Variants in LRRC37A3 observed in about 807,000 individuals in gnomAD.
The protein encoded by LRRC37A3 is leucine-rich repeat-containing protein 37A3.
Under a neutral mutation model 106.2 loss-of-function variants are expected in LRRC37A3, and 25 were observed. The observed-to-expected ratio is 0.24, with a 90% CI of 0.17 to 0.33. The LOEUF (loss-of-function observed/expected upper bound fraction) is 0.33. LRRC37A3 is among the 10% of genes least tolerant of loss of function. The probability of loss-of-function intolerance (pLI) is 1.00; values close to 1 mark genes in which losing one functional copy is unlikely to be tolerated. For synonymous variants in LRRC37A3, 305 were observed against 635.8 expected, an observed-to-expected ratio of 0.48 and a Z score of 7.83; for missense variants, 712 against 1,644.9, an observed-to-expected ratio of 0.43 and a Z score of 9.81.
At chr17:64,912,913 CATG>C (rs1974621459) in intron 2 of LRRC37A3, among the ~76,000 whole-genome samples, 1 of 145,690 alleles carries the variant, frequency 6.9e-6, no homozygotes, top group Non-Finnish European at 1.5e-5. Context: ...AAATGAATAT[CATG>C]ATATCTAGAT....
Position 64,915,148 on chromosome 17 carries a change from AG to A in LRRC37A3, c.-496+3601del, listed in dbSNP as rs1269904496. Among the ~76,000 whole-genome samples the A allele has an allele frequency of 3.2e-4, 49 of 152,302 alleles. No individual in the cohort carries two copies. In the East Asian group the frequency reaches 4.0e-3, roughly 13 times the overall value. On this transcript the variant is annotated intron_variant, in intron 2 of 14. Coordinates refer to ENST00000584306, the MANE Select transcript of LRRC37A3 (RefSeq NM_199340.5). ...TTGTTATCTTCCCAATACAAAAAAA[AG>A]GATAAACATCTGAGATGATGGATAC...
intron 2 of LRRC37A3, among the ~76,000 whole-genome samples, chr17:64,911,189 T>C (rs1036939957): frequency 6.7e-6 from 1 of 149,992 alleles, no homozygotes; most frequent in East Asian, 2.0e-4. Context: ...ATTTTTAAAT[T>C]TTCCCAGATA....
chr17:64,870,240 G>A (rs565589148), intron 8 of LRRC37A3, among the ~76,000 whole-genome samples: 86 of 152,060 alleles, frequency 5.7e-4, no homozygotes, highest in Non-Finnish European at 9.3e-4. Context: ...ACAGGTGCCC[G>A]CCACCATGCC....
Position 64,860,687 on chromosome 17 carries a change from C to G in LRRC37A3, c.3459G>C (p.Lys1153Asn). The G allele has an allele frequency of 6.2e-7, 1 of 1,614,010 alleles. No homozygotes were observed. The highest frequency in any genetic ancestry group is 8.5e-7 in the Non-Finnish European group (1 of 1,179,880). ...GCCGGTTTTTGCCTACAGTTTGAAT[C>G]TTTGCCAGGCTGTTTCCTGTGGTTG... ...KLPTTGNSLA[K>N]IQTVGKNRQR... The change falls in exon 12 of 15, where the codon AAG becomes AAC. Residue 1153 changes from lysine (K) to asparagine (N), a missense_variant. Physicochemically the swap from Lys to Asn is moderately conservative, Grantham distance 94. Transcript: ENST00000584306.
chr17:64,873,981 C>T (rs1973411950), intron 8 of LRRC37A3, among the ~76,000 whole-genome samples: 1 of 152,144 alleles, frequency 6.6e-6, no homozygotes, highest in African/African-American at 2.4e-5. Context: ...GGATCCACAT[C>T]TAAACATACT....
chr17:64,859,891 A>C lies in LRRC37A3; in HGVS notation c.4255T>G (p.Tyr1419Asp). 6.2e-7 allele frequency: 1 copy of C among 1,613,448 alleles called. No individual in the cohort carries two copies. Among genetic ancestry groups the C allele is most frequent in the Non-Finnish European group, 8.5e-7 (1 of 1,179,848 alleles). ...PEGTISENTN[Y>D]NHPPEADSAG... ...GAATCTGCCTCAGGAGGATGATTGT[A>C]GTTTGTGTTTTCAGAGATGGTTCCT... Residue 1419 changes from tyrosine to aspartate, a missense_variant, in exon 12 of 15, where the codon TAC becomes GAC. By Grantham distance (160) the Tyr-to-Asp change is radical (BLOSUM62 -3). Transcript: ENST00000584306.
chr17:64,855,035 C>A (rs1216184538), intron 14 of LRRC37A3, among the ~76,000 whole-genome samples: 4 of 152,132 alleles, frequency 2.6e-5, no homozygotes, highest in Non-Finnish European at 5.9e-5. Flanking sequence ...TGGGCTTTCA[C>A]CATGTTGGTC....
chr17:64,907,529 GC>G lies in LRRC37A3; in HGVS notation c.-495-9071del, dbSNP rs1315097124. ...GTGGTGGTGGGTACCTATAATCCCA[GC>G]TACTTGGGAGGCTGAGACAGGAGAA... On this transcript the variant is annotated intron_variant, in intron 2 of 14. Coordinates refer to ENST00000584306, the MANE Select transcript of LRRC37A3 (RefSeq NM_199340.5). Among the ~76,000 whole-genome samples, 8 of 71,462 alleles carry G rather than the reference GC, an allele frequency of 1.1e-4. No homozygotes were observed. In the East Asian group the frequency reaches 3.3e-3, roughly 30 times the overall value. The allele number at this position is 71,462 out of a possible 152,430, so 46.9% of individuals were successfully genotyped here. A position where few individuals can be genotyped will look rare whatever the true frequency, so the allele number is the denominator to read the frequency against.
intron 8 of LRRC37A3, among the ~76,000 whole-genome samples, chr17:64,882,844 T>C (rs1416598314): frequency 1.3e-5 from 2 of 151,898 alleles, no homozygotes; most frequent in Non-Finnish European, 2.9e-5. Context: ...CAAGCCAATA[T>C]GTGAGTGTAC....
At chr17:64,899,740 T>TCTAACAAGGGA in intron 2 of LRRC37A3, 1 of 148,428 alleles carries the variant, frequency 6.7e-6, no homozygotes, top group South Asian at 2.1e-4. Flanking sequence ...TAACAAGGCC[T>TCTAACAAGGGA]GTGTTCGAGC....
Position 64,855,820 on chromosome 17 carries a change from A to G in LRRC37A3, c.4859+20T>C, listed in dbSNP as rs756951410. On this transcript the variant is annotated intron_variant, in intron 14 of 14. Coordinates refer to ENST00000584306, the MANE Select transcript of LRRC37A3 (RefSeq NM_199340.5). ...CCGTCTCAAAAGAAAAGAAAAAAAAATCACCAGACTAATATTTACCTTGAG... is the reference window on the plus strand; with the variant it reads ...CCGTCTCAAAAGAAAAGAAAAAAAAGTCACCAGACTAATATTTACCTTGAG... 1.4e-5 allele frequency: 23 copies of G among 1,611,474 alleles called. No homozygotes were observed. Among genetic ancestry groups the G allele is most frequent in the Non-Finnish European group, 1.9e-5 (22 of 1,179,596 alleles).
At chr17:64,856,381 TA>T (rs1304294924) in intron 13 of LRRC37A3, among the ~76,000 whole-genome samples, 1 of 148,926 alleles carries the variant, frequency 6.7e-6, no homozygotes, top group East Asian at 1.9e-4. Flanking sequence ...CACACCTGGC[TA>T]TTTTTTTTTT....
chr17:64,906,763 CCTCT>C (rs1476444898), intron 2 of LRRC37A3, among the ~76,000 whole-genome samples: 1 of 145,126 alleles, frequency 6.9e-6, no homozygotes, highest in Non-Finnish European at 1.5e-5. Context: ...ACGGAGTCTC[CCTCT>C]GTCGCCCAGG....
intron 8 of LRRC37A3, among the ~76,000 whole-genome samples, chr17:64,872,778 C>T (rs148948216): frequency 0.041 from 6,294 of 151,860 alleles, 462 homozygotes; most frequent in African/African-American, 0.15. Context: ...TGGAATCTCA[C>T]GCGCATGCAT....
intron 8 of LRRC37A3, among the ~76,000 whole-genome samples, chr17:64,876,254 C>T (rs987623314): frequency 3.1e-4 from 47 of 152,256 alleles, no homozygotes; most frequent in Admixed American, 8.5e-4. Context: ...ACAATCATGG[C>T]TCACTGCAGC....
chr17:64,913,334 TG>T (rs1974631628), intron 2 of LRRC37A3, among the ~76,000 whole-genome samples: 2 of 127,548 alleles, frequency 1.6e-5, no homozygotes, highest in African/African-American at 3.0e-5. Flanking sequence ...TGGCCTATTT[TG>T]GGTTTTTTTT....
At chr17:64,881,510 A>T (rs1043377221) in intron 8 of LRRC37A3, among the ~76,000 whole-genome samples, 3 of 131,048 alleles carry the variant, frequency 2.3e-5, no homozygotes, top group African/African-American at 9.2e-5. Flanking sequence ...GGCCTCCCAA[A>T]GTGCTGAGAT....
At chr17:64,901,232 T>C (rs548735839) in intron 2 of LRRC37A3, 4 of 151,192 alleles carry the variant, frequency 2.6e-5, no homozygotes, top group African/African-American at 9.9e-5. Context: ...ATCTTACAGA[T>C]AGGAACTAAG....
chr17:64,861,504 C>T (rs1222116068), intron 11 of LRRC37A3, among the ~76,000 whole-genome samples: 1 of 152,230 alleles, frequency 6.6e-6, no homozygotes, highest in Non-Finnish European at 1.5e-5. Flanking sequence ...GACAGATCCT[C>T]ATCTGGCATG....
Sources: allele counts gnomAD v4.1 joint callset (sites outside exome capture counted in the v4.1 genomes callset), GRCh38; gene constraint gnomAD v4.1.1; transcripts MANE v1.5; gene names NCBI Gene and HGNC (gene_info 2026-07-23, HGNC 2026-07-21).